HERC2: variants seen among roughly 807,000 people sequenced by gnomAD.
HERC2 encodes the protein HECT and RLD domain containing E3 ubiquitin protein ligase 2, also known as E3 ubiquitin-protein ligase HERC2.
HERC2 carries 102 observed loss-of-function variants against 537.7 expected under a neutral mutation model. The ratio of observed to expected loss-of-function variants is 0.19; its 90% confidence interval spans 0.16 to 0.22. HERC2 has a LOEUF of 0.22. HERC2 is among the 10% of genes least tolerant of loss of function. The pLI is 1.00. For missense variants in HERC2, 4,236 were observed against 6,198.2 expected, an observed-to-expected ratio of 0.68 and a Z score of 10.63; for synonymous variants, 2,224 against 2,466.2, an observed-to-expected ratio of 0.90 and a Z score of 2.91.
chr15:28,116,674 G>A lies in HERC2; in HGVS notation c.13600C>T (p.Arg4534Cys), dbSNP rs374508718. 4.0e-5 allele frequency: 65 copies of A among 1,607,622 alleles called. No homozygotes were observed. The highest frequency in any genetic ancestry group is 2.0e-4 in the South Asian group (18 of 90,754). Reference sequence around the variant, plus strand: ...CGGCCGAGAAGCTCACCCAGGAAGCGGAACATGCTGCTGTGCACGGGTGCT... The same window carrying A: ...CGGCCGAGAAGCTCACCCAGGAAGCAGAACATGCTGCTGTGCACGGGTGCT... ...ARAPVHSSMF[R>C]FLGVLLGIAI... The change falls in exon 88 of 93, where the codon CGC (arginine) becomes TGC (cysteine). Residue 4534 changes from arginine to cysteine, a missense_variant. Coordinates refer to ENST00000261609, the MANE Select transcript of HERC2 (RefSeq NM_004667.6).
At chr15:28,136,984 T>C (rs531290976) in intron 78 of HERC2, among the ~76,000 whole-genome samples, 1 of 151,990 alleles carries the variant, frequency 6.6e-6, no homozygotes, top group Admixed American at 6.5e-5. Flanking sequence ...AGCAAAGATG[T>C]GCAACATTTA....
intron 52 of HERC2, among the ~76,000 whole-genome samples, chr15:28,192,460 T>C (rs983131265): frequency 6.6e-6 from 1 of 152,142 alleles, no homozygotes; most frequent in Non-Finnish European, 1.5e-5. Context: ...ACAAAAACCA[T>C]TCTTATTAAA....
chr15:28,240,229 T>G (rs937515945), intron 23 of HERC2, among the ~76,000 whole-genome samples: 10 of 152,108 alleles, frequency 6.6e-5, no homozygotes, highest in Non-Finnish European at 1.5e-4. Context: ...CCATCCTGGC[T>G]AACACGGTGA....
At chr15:28,116,162 C>G (rs1888218152) in intron 88 of HERC2, among the ~76,000 whole-genome samples, 1 of 152,138 alleles carries the variant, frequency 6.6e-6, no homozygotes, top group Non-Finnish European at 1.5e-5. Context: ...TCAACAGCAC[C>G]TCGTTCGCTT....
At chr15:28,249,119 C>T (rs1904013049) in intron 20 of HERC2, among the ~76,000 whole-genome samples, 1 of 152,210 alleles carries the variant, frequency 6.6e-6, no homozygotes, top group Non-Finnish European at 1.5e-5. Context: ...ATAGAAATAT[C>T]TGACCCTCTA....
rs141674276 is a variant in HERC2, at chr15:28,157,593, C to T, written c.10747-4763G>A. ...CTTCTATGGAATCAGTGGTGATATC[C>T]CCTTTATCATTTTTTATTGCATCCA... On this transcript the variant is annotated intron_variant, in intron 69 of 92. Transcript: ENST00000261609. Among the ~76,000 whole-genome samples, 101 of 152,140 alleles carry T rather than the reference C, an allele frequency of 6.6e-4. No individual in the cohort carries two copies. In the East Asian group the frequency reaches 0.01, roughly 15 times the overall value.
intron 6 of HERC2, 97 bp downstream of exon 6, chr15:28,274,808 G>T: frequency 2.2e-6 from 2 of 904,416 alleles, no homozygotes; most frequent in East Asian, 2.4e-5. Context: ...GAGCACATGG[G>T]ATCAGCCAAA....
intron 23 of HERC2, among the ~76,000 whole-genome samples, chr15:28,244,661 G>A (rs1224038483): frequency 6.6e-6 from 1 of 152,128 alleles, no homozygotes. Context: ...CCCCTCAACA[G>A]TATGATAGTA....
chr15:28,169,405 A>G, intron 66 of HERC2, 79 bp downstream of exon 66: 1 of 1,036,310 alleles, frequency 9.6e-7, no homozygotes, highest in South Asian at 1.6e-5. Context: ...GAGACATCTG[A>G]TCAACGAAAA....
intron 57 of HERC2, among the ~76,000 whole-genome samples, chr15:28,180,957 AG>A (rs1895763732): frequency 1.3e-5 from 2 of 152,316 alleles, no homozygotes; most frequent in Admixed American, 1.3e-4. Context: ...TGGTATCCAC[AG>A]GAAGTCCTGG....
chr15:28,283,282 AC>A (rs1193940624), intron 4 of HERC2, among the ~76,000 whole-genome samples: 1 of 152,186 alleles, frequency 6.6e-6, no homozygotes, highest in Non-Finnish European at 1.5e-5. Flanking sequence ...ACTCCAAAAA[AC>A]AAAAGACAAA....
At position 28,265,789 on chromosome 15, in the gene HERC2, T is replaced by C. The variant is rs767284853; in HGVS notation, c.1756+28A>G. The C allele has an allele frequency of 1.2e-6, 2 of 1,614,150 alleles. No homozygotes were observed. The highest frequency in any genetic ancestry group is 1.1e-5 in the South Asian group (1 of 91,082). Reference sequence around the variant, plus strand: ...CTGTAAGAGGCCACCTCCTGCTGCATGCTCCCACTCATGCAGAGCAGACGT... The same window carrying C: ...CTGTAAGAGGCCACCTCCTGCTGCACGCTCCCACTCATGCAGAGCAGACGT... On this transcript the variant is annotated intron_variant, in intron 13 of 92. Transcript: ENST00000261609. This position sits in a 1 kb window ranked among gnomAD's most constrained non-coding sequence, Gnocchi z 4.0.
At position 28,228,309 on chromosome 15, in the gene HERC2, G is replaced by A. The variant is rs1164415178; in HGVS notation, c.5373C>T (p.Ser1791=). 1.2e-6 allele frequency: 2 copies of A among 1,612,658 alleles called. No individual in the cohort carries two copies. Among genetic ancestry groups the A allele is most frequent in the Admixed American group, 3.3e-5 (2 of 60,002 alleles). The change falls in exon 35 of 93, where the codon AGC becomes AGT. Residue 1791 remains serine (S), a synonymous_variant. Coordinates refer to ENST00000261609, the MANE Select transcript of HERC2 (RefSeq NM_004667.6). Reference sequence around the variant, plus strand: ...TTGCGCCGTGCTGCAGGGTGAGCATGCTGAGCATCACCAGGAGGAAGCGGG... The same window carrying A: ...TTGCGCCGTGCTGCAGGGTGAGCATACTGAGCATCACCAGGAGGAAGCGGG... ...PQARFLLVML[S]MLTLQHGANN...
chr15:28,196,098 C>A lies in HERC2; in HGVS notation c.8260+117G>T, dbSNP rs185734046. 1.2e-5 allele frequency: 11 copies of A among 913,436 alleles called. No homozygotes were observed. The African/African-American group carries it at 1.8e-4, about 15-fold the overall frequency. The allele number at this position is 913,436 out of a possible 1,614,324, so 56.6% of individuals were successfully genotyped here. ...TCACTTCCGTCTCACTGTACTCACT[C>A]TACAGAATTACTGTATACATAGGAA... On this transcript the variant is annotated intron_variant, in intron 52 of 92. Coordinates refer to ENST00000261609, the MANE Select transcript of HERC2 (RefSeq NM_004667.6).
chr15:28,300,752 G>A (rs2076597858), intron 2 of HERC2, among the ~76,000 whole-genome samples: 1 of 127,728 alleles, frequency 7.8e-6, no homozygotes, highest in African/African-American at 3.2e-5. Context: ...GAACCCAGGA[G>A]GCAGAGGTTT....
chr15:28,132,855 T>C, intron 79 of HERC2, 25 bp from the exon 80 acceptor site: 4 of 1,500,780 alleles, frequency 2.7e-6, no homozygotes, highest in Non-Finnish European at 3.6e-6. Context: ...CCAAATATAA[T>C]GGAAACACAT....
Position 28,228,283 on chromosome 15 carries a change from T to G in HERC2, c.5399A>C (p.Asn1800Thr). 6.2e-7 allele frequency: 1 copy of G among 1,613,230 alleles called. No homozygotes were observed. The highest frequency in any genetic ancestry group is 1.7e-5 in the Admixed American group (1 of 60,008). Residue 1800 changes from asparagine to threonine, a missense_variant, in exon 35 of 93, where the codon AAC becomes ACC. By Grantham distance (65) the Asn-to-Thr change is moderately conservative. Coordinates refer to ENST00000261609, the MANE Select transcript of HERC2 (RefSeq NM_004667.6). Reference protein sequence around the residue: ...LSMLTLQHGANNLDLLLNSGM... With the variant: ...LSMLTLQHGATNLDLLLNSGM... ...GGAATTGAGCAGAAGGTCGAGGTTG[T>G]TTGCGCCGTGCTGCAGGGTGAGCAT...
intron 42 of HERC2, 35 bp from the exon 43 acceptor site, chr15:28,212,618 A>G: frequency 6.2e-7 from 1 of 1,606,586 alleles, no homozygotes; most frequent in South Asian, 1.1e-5. Context: ...GAGTGTGGCC[A>G]ATACGACTAA....
At chr15:28,274,077 A>C (rs1190741634) in intron 7 of HERC2, among the ~76,000 whole-genome samples, 1 of 152,242 alleles carries the variant, frequency 6.6e-6, no homozygotes, top group Non-Finnish European at 1.5e-5. Flanking sequence ...CGTCTCATTT[A>C]GTATCACAGC....
Sources: allele counts gnomAD v4.1 joint callset (sites outside exome capture counted in the v4.1 genomes callset), GRCh38; gene constraint gnomAD v4.1.1; non-coding constraint Gnocchi (gnomAD v3.1); transcripts MANE v1.5; gene names NCBI Gene and HGNC (gene_info 2026-07-23, HGNC 2026-07-21).